DAG1: variants seen among roughly 807,000 people sequenced by gnomAD.
The protein encoded by DAG1 is dystroglycan 1, also known as dystroglycan 1 (dystrophin-associated glycoprotein 1).
In DAG1, 8 loss-of-function variants were observed where a neutral mutation model predicts 46.1. The observed-to-expected ratio is 0.17, with a 90% confidence interval of 0.10 to 0.31. The LOEUF (loss-of-function observed/expected upper bound fraction) is 0.31. DAG1 is among the 10% of genes least tolerant of loss of function. The pLI is 1.00. For synonymous variants in DAG1, 495 were observed against 481.8 expected (o/e 1.03, Z -0.36); for missense variants, 1,003 against 1,189.9 (o/e 0.84, Z 2.31).
At position 49,533,219 on chromosome 3, in the gene DAG1, AGGCAGGGTAG is replaced by A. The variant is rs1368304026; in HGVS notation, c.*28_*37del. 1 of 1,608,554 alleles carries A rather than the reference AGGCAGGGTAG, an allele frequency of 6.2e-7. No homozygotes were observed. Among genetic ancestry groups the A allele is most frequent in the Admixed American group, 1.7e-5 (1 of 60,014 alleles). On this transcript the variant is annotated 3_prime_UTR_variant, in exon 3 of 3. Coordinates refer to ENST00000308775, the MANE Select transcript of DAG1 (RefSeq NM_004393.6). ...CCTTAACCCGCAAGCGCCTGGGTGG[AGGCAGGGTAG>A]GGCAGGGGCCTGGAGACGACATGGT... is the stretch of plus-strand genomic sequence containing the variant.
intron 2 of DAG1, among the ~76,000 whole-genome samples, chr3:49,513,735 CT>C (rs2050822555): frequency 6.6e-6 from 1 of 152,182 alleles, no homozygotes; most frequent in Non-Finnish European, 1.5e-5. Context: ...TCACAGAGCT[CT>C]TCCTAGTTTG....
rs763636378 is a variant in DAG1, at chr3:49,532,977, G to T, written c.2466G>T (p.Glu822Asp). ...SSSMPLILQEEKAPLPPPEYP... is the reference protein window; with the variant it reads ...SSSMPLILQEDKAPLPPPEYP... ...GCATGCCACTCATTCTGCAGGAGGA[G>T]AAGGCTCCCCTACCCCCTCCTGAGT... Residue 822 changes from glutamate to aspartate, a missense_variant, in exon 3 of 3, where the codon GAG (glutamate) becomes GAT (aspartate). This residue lies in a region of DAG1 where 755 missense variants were observed against 854.1 expected (regional missense o/e 0.88). Coordinates refer to ENST00000308775, the MANE Select transcript of DAG1 (RefSeq NM_004393.6). This position sits in a 1 kb window ranked among gnomAD's most constrained non-coding sequence, Gnocchi z 5.4. 6 of 1,614,096 alleles carry T rather than the reference G, an allele frequency of 3.7e-6. No individual in the cohort carries two copies. Among genetic ancestry groups the T allele is most frequent in the Non-Finnish European group, 5.1e-6 (6 of 1,180,010 alleles).
rs771492164 is a variant in DAG1, at chr3:49,473,119, TAAAAC to T, written c.-117+2694_-117+2698del. 6.4e-4 allele frequency among the ~76,000 whole-genome samples: 89 copies of T among 140,014 alleles called. 1 individual carries two copies. The highest frequency in any genetic ancestry group is 2.9e-3 in the South Asian group (13 of 4,462). The allele number at this position is 140,014 out of a possible 152,430, so 91.9% of individuals were successfully genotyped here. On this transcript the variant is annotated intron_variant, in intron 1 of 2. Coordinates refer to ENST00000308775, the MANE Select transcript of DAG1 (RefSeq NM_004393.6). ...ACTCGGTCTCAAAAAAAATAAAAAA[TAAAAC>T]AAAACAACTGGCCAGGCGCGGTGGC...
chr3:49,500,517 A>G (rs2050420610), intron 1 of DAG1, among the ~76,000 whole-genome samples: 1 of 152,192 alleles, frequency 6.6e-6, no homozygotes, highest in African/African-American at 2.4e-5. Flanking sequence ...AGTTGTGGGT[A>G]CTGCACTGGG....
At chr3:49,518,920 A>C (rs1262059662) in intron 2 of DAG1, among the ~76,000 whole-genome samples, 1 of 152,172 alleles carries the variant, frequency 6.6e-6, no homozygotes, top group African/African-American at 2.4e-5. Context: ...TGCTCCCTTG[A>C]ATCAGACTGG....
chr3:49,470,029 G>A (rs1459710479), upstream of DAG1: 2 of 152,312 alleles, frequency 1.3e-5, no homozygotes, highest in Admixed American at 1.3e-4. Flanking sequence ...TCCATAATGG[G>A]GCGTGACTTT....
At chr3:49,513,647 C>T (rs2050819879) in intron 2 of DAG1, among the ~76,000 whole-genome samples, 1 of 152,166 alleles carries the variant, frequency 6.6e-6, no homozygotes, top group Non-Finnish European at 1.5e-5. Context: ...GTGGCTTGTT[C>T]TCAGAGTGAC....
chr3:49,490,949 G>C (rs568821693), intron 1 of DAG1, among the ~76,000 whole-genome samples: 6 of 142,552 alleles, frequency 4.2e-5, no homozygotes, highest in African/African-American at 1.6e-4. Flanking sequence ...GCAGTGGCAC[G>C]ATCTTGGCTC....
Position 49,531,128 on chromosome 3 carries a change from A to G in DAG1, c.617A>G (p.Gln206Arg). The G allele has an allele frequency of 6.2e-7, 1 of 1,614,224 alleles. No homozygotes were observed. The highest frequency in any genetic ancestry group is 1.7e-5 in the Admixed American group (1 of 60,030). ...GACCTCACCAAGATGACCCCAAAGC[A>G]AAGGATTGACCTCCTGCACAGGATG... ...DADLTKMTPKQRIDLLHRMRS... is the reference protein window; with the variant it reads ...DADLTKMTPKRRIDLLHRMRS... The change falls in exon 3 of 3, where the codon CAA (glutamine) becomes CGA (arginine). Residue 206 changes from glutamine to arginine, a missense_variant. Around this residue, in one of 3 missense-constraint regions of DAG1, gnomAD observed 52 missense variants for 96.7 expected, o/e 0.54. Coordinates refer to ENST00000308775, the MANE Select transcript of DAG1 (RefSeq NM_004393.6). This position sits in a 1 kb window ranked among gnomAD's most constrained non-coding sequence, Gnocchi z 7.0.
Position 49,481,056 on chromosome 3 carries a change from C to A in DAG1, c.-117+10623C>A, listed in dbSNP as rs367895931. ...GATTACAGGCGTGAGCCACCACGCC[C>A]GGCCTGCATAAAGTTTTTTAAAAGT... On this transcript the variant is annotated intron_variant, in intron 1 of 2. Coordinates refer to ENST00000308775, the MANE Select transcript of DAG1 (RefSeq NM_004393.6). Among the ~76,000 whole-genome samples, 11 of 148,596 alleles carry A rather than the reference C, an allele frequency of 7.4e-5. No homozygotes were observed. The South Asian group carries it at 2.1e-3, about 29-fold the overall frequency.
intron 2 of DAG1, among the ~76,000 whole-genome samples, chr3:49,511,304 A>G (rs2050755742): frequency 6.6e-6 from 1 of 152,164 alleles, no homozygotes; most frequent in Non-Finnish European, 1.5e-5. Context: ...CTTGCCCCAT[A>G]TCCTTTGGAG....
chr3:49,527,119 C>A (rs1233997265), intron 2 of DAG1, among the ~76,000 whole-genome samples: 1 of 152,064 alleles, frequency 6.6e-6, no homozygotes, highest in Non-Finnish European at 1.5e-5. Context: ...TGGCCGGGTG[C>A]GGTGGCTCAT....
chr3:49,530,768 T>C, intron 2 of DAG1, 29 bp from the exon 3 acceptor site: 1 of 1,614,180 alleles, frequency 6.2e-7, no homozygotes, highest in South Asian at 1.1e-5. Context: ...GACAATAGTA[T>C]TTTTAATTTA....
At chr3:49,492,780 G>A (rs2050221958) in intron 1 of DAG1, 1 of 152,050 alleles carries the variant, frequency 6.6e-6, no homozygotes, top group African/African-American at 2.4e-5. Context: ...TTTCAGTGGT[G>A]GCCTTAATCT....
Position 49,525,677 on chromosome 3 carries a change from G to T in DAG1, c.286-5120G>T, listed in dbSNP as rs1309527852. On this transcript the variant is annotated intron_variant, in intron 2 of 2. Transcript: ENST00000308775. ...GGTTCACTGCCATTCTCCTGCCTCAGCCTCCCGAGTAGCTGGGACTACAGG... is the reference window on the plus strand; with the variant it reads ...GGTTCACTGCCATTCTCCTGCCTCATCCTCCCGAGTAGCTGGGACTACAGG... Among the ~76,000 whole-genome samples, 7 of 151,134 alleles carry T rather than the reference G, an allele frequency of 4.6e-5. No homozygotes were observed. In the South Asian group the frequency reaches 6.2e-4, roughly 13 times the overall value.
In DAG1 at chr3:49,531,434, A is replaced by C; in HGVS notation, c.923A>C (p.Lys308Thr). 1.2e-6 allele frequency: 2 copies of C among 1,613,814 alleles called. No individual in the cohort carries two copies. Among genetic ancestry groups the C allele is most frequent in the Non-Finnish European group, 8.5e-7 (1 of 1,179,978 alleles). ...GCCAATAAGAAGCCCCCTCTTCCCA[A>C]ACGCGTCCGGAGGCAGATCCATGCT... ...HIANKKPPLP[K>T]RVRRQIHATP... The change falls in exon 3 of 3, where the codon AAA (lysine) becomes ACA (threonine). Residue 308 changes from lysine to threonine, a missense_variant. Around this residue, in one of 3 missense-constraint regions of DAG1, gnomAD observed 755 missense variants for 854.1 expected, o/e 0.88. Coordinates refer to ENST00000308775, the MANE Select transcript of DAG1 (RefSeq NM_004393.6). The surrounding 1 kb of genome is among the most constrained non-coding windows in gnomAD (Gnocchi z 7.0).
chr3:49,473,466 A>G lies in DAG1; in HGVS notation c.-117+3033A>G, dbSNP rs186167277. Among the ~76,000 whole-genome samples, 317 of 152,130 alleles carry G rather than the reference A, an allele frequency of 2.1e-3. 3 individuals carry two copies. The highest frequency in any genetic ancestry group is 0.017 in the South Asian group (84 of 4,818). On this transcript the variant is annotated intron_variant, in intron 1 of 2. Coordinates refer to ENST00000308775, the MANE Select transcript of DAG1 (RefSeq NM_004393.6). ...AAAAAAACACAAAACTTTATCTCCT[A>G]CTTGAACCTGGGGTACTGCATTTCC...
At chr3:49,480,267 CTTTTTT>C (rs1043834393) in intron 1 of DAG1, among the ~76,000 whole-genome samples, 2 of 100,014 alleles carry the variant, frequency 2.0e-5, no homozygotes, top group Admixed American at 1.2e-4. Context: ...TATAACATTT[CTTTTTT>C]TTTTTTTTTT....
chr3:49,535,190 C>G lies in DAG1; in HGVS notation c.*1991C>G, dbSNP rs1322128416. Reference sequence around the variant, plus strand: ...CCCTGGTGCCCCAGAGACAGGAGCACAAGTGGGATCTGACCTGGTGAGATT... The same window carrying G: ...CCCTGGTGCCCCAGAGACAGGAGCAGAAGTGGGATCTGACCTGGTGAGATT... On this transcript the variant is annotated 3_prime_UTR_variant, in exon 3 of 3. Transcript: ENST00000308775. The G allele has an allele frequency of 6.6e-6, 1 of 152,274 alleles. No homozygotes were observed. Among genetic ancestry groups the G allele is most frequent in the Admixed American group, 6.5e-5 (1 of 15,286 alleles). 9.4% of individuals were successfully genotyped at this position (152,274 alleles called of 1,614,324 possible).
Sources: gnomAD v4.1 joint callset for allele counts (sites outside exome capture counted in the v4.1 genomes callset) on GRCh38, gnomAD v4.1.1 for gene constraint, gnomAD v4.1.1 regional missense constraint, Gnocchi (gnomAD v3.1) non-coding constraint, MANE v1.5 for transcripts, NCBI Gene and HGNC (gene_info 2026-07-23, HGNC 2026-07-21) for gene names.